Variants in ATF7IP observed in about 807,000 individuals in gnomAD.
The protein encoded by ATF7IP is activating transcription factor 7-interacting protein 1.
A neutral mutation model predicts 106.4 loss-of-function variants in ATF7IP; 23 were observed. The observed-to-expected ratio is 0.22, with a 90% CI of 0.16 to 0.31. The LOEUF (loss-of-function observed/expected upper bound fraction) is 0.31. ATF7IP is among the 10% of genes least tolerant of loss of function. The pLI, the probability that ATF7IP is intolerant of heterozygous loss-of-function variation, is 1.00. For synonymous variants in ATF7IP, 542 were observed against 539.0 expected (o/e 1.01, Z -0.08); for missense variants, 1,334 against 1,524.3 (o/e 0.88, Z 2.08).
At chr12:14,472,706 T>A (rs1445822800) in intron 10 of ATF7IP, among the ~76,000 whole-genome samples, 1 of 152,154 alleles carries the variant, frequency 6.6e-6, no homozygotes, top group Non-Finnish European at 1.5e-5. Context: ...TCTTGGGAGA[T>A]CTCATTCACT....
At chr12:14,480,879 C>A in intron 12 of ATF7IP, 124 bp from the exon 13 acceptor site, 1 of 776,616 alleles carries the variant, frequency 1.3e-6, no homozygotes, top group Non-Finnish European at 2.0e-6. Flanking sequence ...TAAAAGGAGA[C>A]TGTTATTTCT....
In ATF7IP at chr12:14,460,763, A is replaced by G. The variant is rs776353484; in HGVS notation, c.2427A>G (p.Gln809=). The stretch of plus-strand genomic sequence containing the variant: ...ATCCAGGGACTTTGGTGACTAATCA[A>G]CCATCTGGCAATGTTGAATTCATTT... ...QSHPGTLVTN[Q]PSGNVEFISV... is the part of the protein sequence containing the mutation. The change falls in exon 9 of 15, where the codon CAA becomes CAG. Residue 809 remains glutamine, a synonymous_variant. Transcript: ENST00000261168. 1.2e-6 allele frequency: 2 copies of G among 1,614,060 alleles called. No individual in the cohort carries two copies. Among genetic ancestry groups the G allele is most frequent in the African/African-American group, 2.7e-5 (2 of 74,922 alleles).
chr12:14,440,918 T>C (rs1852556852), intron 5 of ATF7IP, among the ~76,000 whole-genome samples: 1 of 152,230 alleles, frequency 6.6e-6, no homozygotes, highest in African/African-American at 2.4e-5. Context: ...TCATTCCTTC[T>C]TAGGGCTAAA....
chr12:14,413,951 GTCAGTA>G (rs933688072), intron 1 of ATF7IP, among the ~76,000 whole-genome samples: 2 of 152,110 alleles, frequency 1.3e-5, no homozygotes, highest in Non-Finnish European at 2.9e-5. Context: ...AATTATATGT[GTCAGTA>G]TAGCTAAAAC....
chr12:14,386,195 T>C (rs1272776289), intron 1 of ATF7IP, among the ~76,000 whole-genome samples: 3 of 152,170 alleles, frequency 2.0e-5, no homozygotes, highest in Admixed American at 1.3e-4. Context: ...AAAAGAAATA[T>C]AGCTCAATGA....
At chr12:14,494,333 A>ATGTGTGTGTGTGTGTGTG (rs1210425478) in intron 13 of ATF7IP, among the ~76,000 whole-genome samples, 5 of 86,016 alleles carry the variant, frequency 5.8e-5, no homozygotes, top group African/African-American at 2.3e-4. Flanking sequence ...ATATATATAT[A>ATGTGTGTGTGTGTGTGTG]TGTGTGTGTG....
At chr12:14,426,446 G>T (rs1042074287) in intron 2 of ATF7IP, among the ~76,000 whole-genome samples, 2 of 151,418 alleles carry the variant, frequency 1.3e-5, no homozygotes, top group Admixed American at 1.3e-4. Context: ...ATGGAGGCAG[G>T]TCTAAGAGAC....
At chr12:14,428,102 A>T (rs751759775) in intron 2 of ATF7IP, among the ~76,000 whole-genome samples, 5 of 152,180 alleles carry the variant, frequency 3.3e-5, no homozygotes, top group Non-Finnish European at 7.4e-5. Flanking sequence ...AGAGTGTGGC[A>T]CTAGGCCAAG....
At chr12:14,416,166 T>C (rs1343208486) in intron 1 of ATF7IP, among the ~76,000 whole-genome samples, 1 of 152,194 alleles carries the variant, frequency 6.6e-6, no homozygotes, top group Non-Finnish European at 1.5e-5. Context: ...AATTTAGAAG[T>C]GTAAAATAAA....
At chr12:14,483,097 A>G (rs1192906919) in intron 13 of ATF7IP, among the ~76,000 whole-genome samples, 1 of 152,228 alleles carries the variant, frequency 6.6e-6, no homozygotes, top group Non-Finnish European at 1.5e-5. Context: ...AACTGGTCAC[A>G]TGGTCCTGGC....
chr12:14,482,404 T>G (rs781501826), intron 13 of ATF7IP: 2 of 153,402 alleles, frequency 1.3e-5, no homozygotes, highest in Non-Finnish European at 1.4e-5. Flanking sequence ...ATCCCCAAAC[T>G]GAAGAATTTG....
intron 13 of ATF7IP, among the ~76,000 whole-genome samples, chr12:14,494,123 A>C (rs1446993499): frequency 6.6e-6 from 1 of 151,182 alleles, no homozygotes; most frequent in Non-Finnish European, 1.5e-5. Context: ...TACTATTAGA[A>C]TTAGAGTTTT....
At chr12:14,428,800 TA>T (rs1390226327) in intron 2 of ATF7IP, among the ~76,000 whole-genome samples, 2 of 152,110 alleles carry the variant, frequency 1.3e-5, no homozygotes, top group Non-Finnish European at 2.9e-5. Flanking sequence ...TAATGAAAGA[TA>T]AAGCAAATAG....
intron 1 of ATF7IP, among the ~76,000 whole-genome samples, chr12:14,387,203 A>C (rs10772776): frequency 0.57 from 85,835 of 151,890 alleles, 24,676 homozygotes; most frequent in African/African-American, 0.67. Context: ...TATGAACTGT[A>C]CCTAAAAAAG....
intron 5 of ATF7IP, among the ~76,000 whole-genome samples, chr12:14,439,217 C>G (rs746033866): frequency 4.2e-4 from 64 of 152,164 alleles, no homozygotes; most frequent in Non-Finnish European, 5.0e-4. Context: ...GTGTATGGTT[C>G]CTATTGGGTT....
At chr12:14,406,186 C>T (rs543564651) in intron 1 of ATF7IP, among the ~76,000 whole-genome samples, 1 of 152,204 alleles carries the variant, frequency 6.6e-6, no homozygotes, top group Non-Finnish European at 1.5e-5. Context: ...GCAACCTCAG[C>T]CTCCTGGGTT....
chr12:14,473,042 CTG>C (rs1472026618), intron 10 of ATF7IP, among the ~76,000 whole-genome samples: 18 of 152,152 alleles, frequency 1.2e-4, no homozygotes, highest in Non-Finnish European at 1.5e-5. Flanking sequence ...TGATTTGTTG[CTG>C]TGTTATCCCA....
At chr12:14,431,150 T>C (rs1942101063) in intron 2 of ATF7IP, among the ~76,000 whole-genome samples, 1 of 152,196 alleles carries the variant, frequency 6.6e-6, no homozygotes, top group Admixed American at 6.5e-5. Context: ...TTAAAGATAG[T>C]AGTCATCTGA....
At chr12:14,436,305 T>A (rs1479427317) in intron 4 of ATF7IP, 54 bp downstream of exon 4, 12 of 1,466,850 alleles carry the variant, frequency 8.2e-6, no homozygotes, top group East Asian at 2.3e-5. Context: ...CACCACTATC[T>A]TCTTCTAGGT....
Sources: allele counts gnomAD v4.1 joint callset (sites outside exome capture counted in the v4.1 genomes callset), GRCh38; gene constraint gnomAD v4.1.1; transcripts MANE v1.5; gene names NCBI Gene and HGNC (gene_info 2026-07-23, HGNC 2026-07-21).